Variants in DENND2A observed in about 807,000 individuals in gnomAD.
The protein encoded by DENND2A is DENN domain containing 2A.
A neutral mutation model predicts 105.3 loss-of-function variants in DENND2A; 53 were observed. The observed-to-expected ratio is 0.50, with a 90% CI of 0.40 to 0.63. The LOEUF is 0.63. Among genes scored for constraint, DENND2A ranks in the 30% least tolerant of loss-of-function variants. DENND2A has a pLI of 0.00. For synonymous variants in DENND2A, 522 were observed against 508.4 expected (o/e 1.03, Z -0.36); for missense variants, 1,138 against 1,279.6 (o/e 0.89, Z 1.69).
At chr7:140,522,796 C>T (rs1208314500) in intron 17 of DENND2A, among the ~76,000 whole-genome samples, 2 of 150,952 alleles carry the variant, frequency 1.3e-5, no homozygotes, top group Admixed American at 6.6e-5. Flanking sequence ...TCAGTAGAGA[C>T]GTGTTTTCAC....
intron 1 of DENND2A, among the ~76,000 whole-genome samples, chr7:140,621,966 G>A (rs895279353): frequency 6.6e-6 from 1 of 152,148 alleles, no homozygotes; most frequent in African/African-American, 2.4e-5. Context: ...ATAAGGAGGA[G>A]ACGCCCAAAT....
intron 16 of DENND2A, among the ~76,000 whole-genome samples, chr7:140,524,051 G>A (rs1289513245): frequency 6.6e-6 from 1 of 152,178 alleles, no homozygotes; most frequent in Admixed American, 6.6e-5. Context: ...GGTAGCTAGT[G>A]GATTCTGGTA....
chr7:140,639,858 C>A (rs976902282), intron 1 of DENND2A, among the ~76,000 whole-genome samples: 1 of 152,170 alleles, frequency 6.6e-6, no homozygotes, highest in African/African-American at 2.4e-5. Context: ...CAAGATTCCA[C>A]GGCTGAGGTC....
chr7:140,573,836 T>G lies in DENND2A; in HGVS notation c.1418A>C (p.Asn473Thr). ...DIFFNLGDPQNGRKKRKIPKL... is the reference protein window; with the variant it reads ...DIFFNLGDPQTGRKKRKIPKL... Reference sequence around the variant, plus strand: ...GGGTATCTTTCTCTTCTTCCTGCCGTTCTGTGGGTCTCCAAGGTTAAAGAA... The same window carrying G: ...GGGTATCTTTCTCTTCTTCCTGCCGGTCTGTGGGTCTCCAAGGTTAAAGAA... Residue 473 changes from asparagine (N) to threonine (T), a missense_variant, in exon 6 of 20, where the codon AAC becomes ACC. Physicochemically the swap from Asn to Thr is moderately conservative, Grantham distance 65. Coordinates refer to ENST00000496613, the MANE Select transcript of DENND2A (RefSeq NM_015689.5). 1 of 1,613,964 alleles carries G rather than the reference T, an allele frequency of 6.2e-7. No individual in the cohort carries two copies. The highest frequency in any genetic ancestry group is 8.5e-7 in the Non-Finnish European group (1 of 1,179,912).
At chr7:140,606,483 G>A (rs1799691465) in intron 1 of DENND2A, among the ~76,000 whole-genome samples, 1 of 151,600 alleles carries the variant, frequency 6.6e-6, no homozygotes, top group South Asian at 2.1e-4. Flanking sequence ...AGTCCCCAAA[G>A]AAGAAAGTAG....
At chr7:140,547,167 G>C (rs1285892205) in intron 12 of DENND2A, among the ~76,000 whole-genome samples, 1 of 152,200 alleles carries the variant, frequency 6.6e-6, no homozygotes, top group Non-Finnish European at 1.5e-5. Context: ...TCCTACTCAG[G>C]AGTGAAGTCC....
chr7:140,630,139 C>T (rs575372470), intron 1 of DENND2A, among the ~76,000 whole-genome samples: 2 of 151,318 alleles, frequency 1.3e-5, no homozygotes, highest in Admixed American at 1.3e-4. Flanking sequence ...AAGACAGGGT[C>T]TCACTCTGTC....
chr7:140,634,561 G>T (rs954288921), intron 1 of DENND2A, among the ~76,000 whole-genome samples: 3 of 152,180 alleles, frequency 2.0e-5, no homozygotes, highest in African/African-American at 7.2e-5. Context: ...AAAAGAAAAC[G>T]TATTAAAATT....
At chr7:140,617,633 G>A (rs998751252) in intron 1 of DENND2A, among the ~76,000 whole-genome samples, 2 of 152,166 alleles carry the variant, frequency 1.3e-5, no homozygotes, top group African/African-American at 4.8e-5. Context: ...AGAATCGCTT[G>A]AACCTGGGAG....
At chr7:140,522,238 T>C in intron 17 of DENND2A, 138 bp from the exon 18 acceptor site, 2 of 1,087,294 alleles carry the variant, frequency 1.8e-6, no homozygotes, top group South Asian at 3.6e-5. Flanking sequence ...AGGAGGAGGG[T>C]TACCCAGGTT....
intron 12 of DENND2A, among the ~76,000 whole-genome samples, chr7:140,550,786 G>A (rs1797102847): frequency 6.6e-6 from 1 of 151,992 alleles, no homozygotes; most frequent in South Asian, 2.1e-4. Context: ...TTCTGTTGGG[G>A]GAGATGAAAA....
intron 5 of DENND2A, among the ~76,000 whole-genome samples, chr7:140,574,447 A>G (rs1798220775): frequency 6.6e-6 from 1 of 151,934 alleles, no homozygotes. Flanking sequence ...TCGAACTCTT[A>G]AGCTCAGGCA....
intron 5 of DENND2A, among the ~76,000 whole-genome samples, chr7:140,576,884 C>T (rs1000114322): frequency 2.6e-5 from 4 of 152,208 alleles, no homozygotes; most frequent in African/African-American, 7.2e-5. Flanking sequence ...ACTGGAATCT[C>T]CTGTCAAACT....
chr7:140,558,068 A>G (rs914637188), intron 11 of DENND2A, 75 bp downstream of exon 11: 18 of 1,265,824 alleles, frequency 1.4e-5, no homozygotes, highest in East Asian at 2.4e-5. Flanking sequence ...CGGGACTGGG[A>G]AGCCAGACCT....
chr7:140,588,405 G>C (rs1351008378), intron 3 of DENND2A, among the ~76,000 whole-genome samples: 1 of 152,068 alleles, frequency 6.6e-6, no homozygotes, highest in Non-Finnish European at 1.5e-5. Flanking sequence ...TATAGACAGG[G>C]ACTGTCTATA....
intron 5 of DENND2A, among the ~76,000 whole-genome samples, chr7:140,582,047 C>T (rs1798567952): frequency 1.3e-5 from 2 of 151,926 alleles, no homozygotes; most frequent in Admixed American, 1.3e-4. Context: ...TTACTGCAAC[C>T]TCTGCCCCCC....
intron 18 of DENND2A, 73 bp downstream of exon 18, chr7:140,521,782 T>C: frequency 6.3e-7 from 1 of 1,584,334 alleles, no homozygotes; most frequent in Non-Finnish European, 8.6e-7. Context: ...GTGATCTTTC[T>C]CCCTACTCAT....
chr7:140,613,984 C>T (rs140234840), intron 1 of DENND2A, among the ~76,000 whole-genome samples: 189 of 152,338 alleles, frequency 1.2e-3, no homozygotes, highest in Admixed American at 2.2e-3. Flanking sequence ...TGCCTCATCA[C>T]CTACCCTTCT....
At chr7:140,607,224 C>T (rs1263892377) in intron 1 of DENND2A, among the ~76,000 whole-genome samples, 1 of 152,196 alleles carries the variant, frequency 6.6e-6, no homozygotes, top group African/African-American at 2.4e-5. Flanking sequence ...CTGGCCTGGG[C>T]ATCCTCTCCC....
Sources: allele counts gnomAD v4.1 joint callset (sites outside exome capture counted in the v4.1 genomes callset), GRCh38; gene constraint gnomAD v4.1.1; transcripts MANE v1.5; gene names NCBI Gene and HGNC (gene_info 2026-07-23, HGNC 2026-07-21).